The following LRRC49 variants were observed in gnomAD, a reference collection of about 807,000 sequenced individuals.
LRRC49 encodes leucine-rich repeat-containing protein 49.
In LRRC49, 50 loss-of-function variants were observed where a neutral mutation model predicts 83.3. The observed-to-expected ratio is 0.60, with a 90% confidence interval of 0.48 to 0.76. LRRC49 has a LOEUF of 0.76. Ranked by LOEUF, LRRC49 falls within the 30% of genes least tolerant of loss-of-function variation. The pLI is 0.00. For synonymous variants in LRRC49, 286 were observed against 283.3 expected (o/e 1.01, Z -0.10); for missense variants, 704 against 809.1 (o/e 0.87, Z 1.58).
At chr15:70,882,960 TTA>T in intron 2 of LRRC49, 1 of 1,579,392 alleles carries the variant, frequency 6.3e-7, no homozygotes, top group Non-Finnish European at 8.6e-7. Context: ...TTATAGGATT[TTA>T]TCTTTCAAAA....
rs1181643543 is a variant in LRRC49, at chr15:70,968,010, TTAAG to T, written c.921+4080_921+4083del. Among the ~76,000 whole-genome samples the T allele has an allele frequency of 2.6e-5, 4 of 152,240 alleles. No individual in the cohort carries two copies. The East Asian group carries it at 7.7e-4, about 29-fold the overall frequency. On this transcript the variant is annotated intron_variant, in intron 9 of 15. Coordinates refer to ENST00000260382, the MANE Select transcript of LRRC49 (RefSeq NM_017691.5). ...TTATTTGTTTATTTTTGATTATACTTTAAGTTCTGGGATACATGTGCAGAATGTG... is the reference window on the plus strand; with the variant it reads ...TTATTTGTTTATTTTTGATTATACTTTTCTGGGATACATGTGCAGAATGTG...
chr15:70,900,276 A>T, intron 3 of LRRC49: 1 of 359,792 alleles, frequency 2.8e-6, no homozygotes, highest in African/African-American at 2.1e-5. Flanking sequence ...GGTGTCATAT[A>T]CTTTGTGGAC....
intron 11 of LRRC49, among the ~76,000 whole-genome samples, chr15:70,991,058 C>T (rs765715141): frequency 6.6e-6 from 1 of 152,210 alleles, no homozygotes. Context: ...ACAAAACCTT[C>T]CTCTTTAACT....
intron 11 of LRRC49, among the ~76,000 whole-genome samples, chr15:70,990,921 A>T (rs2037855758): frequency 6.6e-6 from 1 of 152,164 alleles, no homozygotes; most frequent in South Asian, 2.1e-4. Flanking sequence ...GTTCCAAAAA[A>T]GCCTTCCCTA....
chr15:70,970,450 G>C (rs1159665523), intron 9 of LRRC49, among the ~76,000 whole-genome samples: 1 of 151,786 alleles, frequency 6.6e-6, no homozygotes, highest in Admixed American at 6.6e-5. Context: ...TTTTTTTGTT[G>C]TTGTTGTGTC....
intron 1 of LRRC49, among the ~76,000 whole-genome samples, chr15:70,861,372 C>T (rs994360145): frequency 1.7e-4 from 17 of 101,936 alleles, no homozygotes; most frequent in Non-Finnish European, 3.9e-4. Context: ...TGTAGTTCCC[C>T]CTATTAGCAT....
At chr15:70,873,912 T>C (rs182082514) in intron 2 of LRRC49, among the ~76,000 whole-genome samples, 2 of 152,312 alleles carry the variant, frequency 1.3e-5, no homozygotes, top group Admixed American at 1.3e-4. Flanking sequence ...TACAATCTAC[T>C]GCAACTAGGT....
chr15:70,898,266 G>C (rs2033919661), intron 3 of LRRC49: 2 of 605,104 alleles, frequency 3.3e-6, no homozygotes, highest in Non-Finnish European at 5.9e-6. Context: ...TATTTGTATT[G>C]AGATTTTAAC....
At chr15:70,857,308 T>A (rs562941838) in intron 1 of LRRC49, among the ~76,000 whole-genome samples, 4 of 152,164 alleles carry the variant, frequency 2.6e-5, no homozygotes, top group African/African-American at 9.6e-5. Flanking sequence ...AACCAAGGAC[T>A]TGGAATAAGA....
chr15:71,002,853 G>A (rs10518929), intron 11 of LRRC49, among the ~76,000 whole-genome samples: 47,059 of 150,484 alleles, frequency 0.31, 7,750 homozygotes, highest in Non-Finnish European at 0.36. Flanking sequence ...CATTTAGCTG[G>A]GCTTTCAGAG....
chr15:70,940,755 T>A (rs761190726), intron 8 of LRRC49, among the ~76,000 whole-genome samples: 1 of 152,228 alleles, frequency 6.6e-6, no homozygotes, highest in Non-Finnish European at 1.5e-5. Context: ...GCAAATCTTC[T>A]TACTGAGTTA....
chr15:71,024,169 C>G (rs1352365365), intron 14 of LRRC49, among the ~76,000 whole-genome samples: 1 of 152,240 alleles, frequency 6.6e-6, no homozygotes, highest in Non-Finnish European at 1.5e-5. Context: ...CCGATTTAGT[C>G]TTTCTCCTGC....
chr15:70,960,336 A>G (rs143646915), intron 8 of LRRC49, among the ~76,000 whole-genome samples: 1 of 152,172 alleles, frequency 6.6e-6, no homozygotes, highest in African/African-American at 2.4e-5. Flanking sequence ...CAATCTGTCA[A>G]AATCTTGGGT....
At chr15:70,907,595 G>A (rs187796794) in intron 5 of LRRC49, 4 of 165,872 alleles carry the variant, frequency 2.4e-5, no homozygotes, top group Admixed American at 2.3e-4. Context: ...TAGAACCTGG[G>A]ATTCTCTGTT....
At chr15:70,879,360 T>G (rs2033215325) in intron 2 of LRRC49, among the ~76,000 whole-genome samples, 1 of 152,246 alleles carries the variant, frequency 6.6e-6, no homozygotes, top group African/African-American at 2.4e-5. Context: ...TTGATTCCTT[T>G]TTGTGTTGAT....
chr15:70,860,050 C>G, intron 1 of LRRC49: 2 of 737,890 alleles, frequency 2.7e-6, no homozygotes, highest in Non-Finnish European at 4.9e-6. Flanking sequence ...TTGGCTCTGG[C>G]GCAGGCTCCA....
intron 2 of LRRC49, among the ~76,000 whole-genome samples, chr15:70,885,720 C>A (rs1230764961): frequency 6.6e-6 from 1 of 152,046 alleles, no homozygotes; most frequent in Non-Finnish European, 1.5e-5. Flanking sequence ...AAGATATATA[C>A]CACCAAATAG....
At chr15:70,921,292 T>G (rs529795783) in intron 7 of LRRC49, among the ~76,000 whole-genome samples, 18 of 152,326 alleles carry the variant, frequency 1.2e-4, no homozygotes, top group Non-Finnish European at 1.2e-4. Context: ...CTTTTTTCCC[T>G]CTGATTCTTA....
At chr15:70,896,377 T>G (rs1199324618) in intron 3 of LRRC49, among the ~76,000 whole-genome samples, 1 of 152,148 alleles carries the variant, frequency 6.6e-6, no homozygotes, top group South Asian at 2.1e-4. Flanking sequence ...TGTCTATCAC[T>G]TGGGATCTTG....
Sources: allele counts gnomAD v4.1 joint callset (sites outside exome capture counted in the v4.1 genomes callset), GRCh38; gene constraint gnomAD v4.1.1; transcripts MANE v1.5; gene names NCBI Gene and HGNC (gene_info 2026-07-23, HGNC 2026-07-21).